Variants in GNA12 observed in about 807,000 individuals in gnomAD.
GNA12 encodes the protein guanine nucleotide-binding protein subunit alpha-12.
In GNA12, 9 loss-of-function variants were observed where a neutral mutation model predicts 26.0. The ratio of observed to expected loss-of-function variants is 0.35; its 90% confidence interval spans 0.21 to 0.60. The LOEUF (loss-of-function observed/expected upper bound fraction) is 0.60. Ranked by LOEUF, GNA12 falls within the 20% of genes least tolerant of loss-of-function variation. The pLI is 0.78. For synonymous variants in GNA12, 264 were observed against 219.6 expected (o/e 1.20, Z -1.79); for missense variants, 405 against 525.8 (o/e 0.77, Z 2.25).
chr7:2,750,854 T>A (rs1019055913), intron 2 of GNA12, among the ~76,000 whole-genome samples: 1 of 152,260 alleles, frequency 6.6e-6, no homozygotes, highest in Admixed American at 6.5e-5. Context: ...TTTAGAGTTA[T>A]CAGCTTGGGA....
intron 2 of GNA12, among the ~76,000 whole-genome samples, chr7:2,751,941 T>G (rs1791060771): frequency 6.6e-6 from 1 of 152,108 alleles, no homozygotes; most frequent in Non-Finnish European, 1.5e-5. Flanking sequence ...GAAATAACAC[T>G]AACGAACGTG....
intron 2 of GNA12, among the ~76,000 whole-genome samples, chr7:2,768,804 A>T (rs1329496737): frequency 6.6e-6 from 1 of 150,714 alleles, no homozygotes; most frequent in African/African-American, 2.4e-5. Context: ...TCTGTATTTA[A>T]TATGTGTATA....
rs189825330 is a variant in GNA12 at position 2,798,964 on chromosome 7, G to A, written c.310-3821C>T. ...ACAGGTAAAGAAAATTGGGGGGAGC[G>A]GGGGAGGGGGTGGGGAAGAACCTTG... On this transcript the variant is annotated intron_variant, in intron 1 of 3. Transcript: ENST00000275364. Among the ~76,000 whole-genome samples the A allele has an allele frequency of 2.6e-3, 397 of 151,938 alleles. 4 individuals are homozygous for A. Among genetic ancestry groups the A allele is most frequent in the African/African-American group, 9.2e-3 (380 of 41,398 alleles).
At chr7:2,841,488 C>T (rs1238475427) in intron 1 of GNA12, among the ~76,000 whole-genome samples, 2 of 152,114 alleles carry the variant, frequency 1.3e-5, no homozygotes, top group African/African-American at 4.8e-5. Context: ...GCCAAATGCA[C>T]TTGAACACAG....
At chr7:2,755,432 T>G (rs1791247817) in intron 2 of GNA12, among the ~76,000 whole-genome samples, 1 of 152,250 alleles carries the variant, frequency 6.6e-6, no homozygotes, top group Non-Finnish European at 1.5e-5. Flanking sequence ...GAGTGTTTCG[T>G]GCTTCTTATC....
chr7:2,771,844 A>G (rs1222658754), intron 2 of GNA12, among the ~76,000 whole-genome samples: 2 of 152,210 alleles, frequency 1.3e-5, no homozygotes, highest in African/African-American at 2.4e-5. Context: ...AACTTTTAAG[A>G]AAGTGCCCCG....
intron 1 of GNA12, among the ~76,000 whole-genome samples, chr7:2,823,442 G>C (rs977919496): frequency 6.6e-6 from 1 of 152,174 alleles, no homozygotes; most frequent in Non-Finnish European, 1.5e-5. Flanking sequence ...CAGGAACAGA[G>C]GGCATAAGGA....
At chr7:2,740,548 CCAGT>C (rs1284706133) in intron 2 of GNA12, among the ~76,000 whole-genome samples, 1 of 152,092 alleles carries the variant, frequency 6.6e-6, no homozygotes, top group African/African-American at 2.4e-5. Context: ...TTTAACCCAC[CCAGT>C]CAGAGTATTT....
At chr7:2,799,298 G>C (rs1180481148) in intron 1 of GNA12, among the ~76,000 whole-genome samples, 1 of 152,192 alleles carries the variant, frequency 6.6e-6, no homozygotes, top group Admixed American at 6.5e-5. Flanking sequence ...TCAACAGTTA[G>C]GCCAGGCACA....
rs1332930508 is a variant in GNA12, at chr7:2,844,181, G to A, written c.-20C>T. On this transcript the variant is annotated 5_prime_UTR_variant, in exon 1 of 4. Coordinates refer to ENST00000275364, the MANE Select transcript of GNA12 (RefSeq NM_007353.3). ...GGACATGGCCCCTCAGGCCGCGGCC[G>A]CGCCCCGCCGGCGCCCGGGGGCCAT... 4.1e-6 allele frequency: 4 copies of A among 980,220 alleles called. No individual in the cohort carries two copies. Among genetic ancestry groups the A allele is most frequent in the African/African-American group, 3.5e-5 (2 of 56,616 alleles). The allele number at this position is 980,220 out of a possible 1,614,324, so 60.7% of individuals were successfully genotyped here.
intron 1 of GNA12, among the ~76,000 whole-genome samples, chr7:2,817,930 A>G (rs946371102): frequency 3.9e-5 from 6 of 152,214 alleles, no homozygotes; most frequent in African/African-American, 1.4e-4. Flanking sequence ...CTACACATGA[A>G]TTATTAGTTC....
intron 2 of GNA12, among the ~76,000 whole-genome samples, chr7:2,755,452 C>T (rs1330017350): frequency 6.6e-6 from 1 of 152,132 alleles, no homozygotes; most frequent in Non-Finnish European, 1.5e-5. Context: ...CAAACAAGTC[C>T]TCTAGATGTT....
chr7:2,738,336 G>A (rs778023184), intron 2 of GNA12, among the ~76,000 whole-genome samples: 23 of 152,148 alleles, frequency 1.5e-4, no homozygotes, highest in Admixed American at 2.6e-4. Context: ...ACAAAGTGAC[G>A]CAGGCACAAG....
intron 1 of GNA12, among the ~76,000 whole-genome samples, chr7:2,812,491 T>C (rs1223838880): frequency 1.3e-5 from 2 of 152,136 alleles, no homozygotes; most frequent in African/African-American, 2.4e-5. Flanking sequence ...TAGCTGGGTG[T>C]GGTGGCGCAT....
intron 1 of GNA12, among the ~76,000 whole-genome samples, chr7:2,839,054 G>A (rs533903206): frequency 1.1e-4 from 17 of 152,242 alleles, no homozygotes; most frequent in African/African-American, 3.6e-4. Flanking sequence ...ACGAGCATAC[G>A]CGTTTATCAT....
intron 1 of GNA12, 132 bp from the exon 2 acceptor site, chr7:2,795,275 T>A: frequency 1.5e-6 from 1 of 688,536 alleles, no homozygotes; most frequent in South Asian, 1.8e-5. Flanking sequence ...AGCCTGAGTC[T>A]GTCTCTTGGT....
At chr7:2,811,610 G>A (rs146545010) in intron 1 of GNA12, among the ~76,000 whole-genome samples, 10 of 152,280 alleles carry the variant, frequency 6.6e-5, no homozygotes, top group Admixed American at 1.3e-4. Context: ...GAAAGCACAC[G>A]GCACAGATTT....
intron 2 of GNA12, among the ~76,000 whole-genome samples, chr7:2,788,718 G>C (rs965409517): frequency 2.0e-5 from 3 of 152,290 alleles, no homozygotes; most frequent in Non-Finnish European, 1.5e-5. Flanking sequence ...TGAACAGTAG[G>C]ACATGAGGGT....
At chr7:2,733,366 G>T in intron 3 of GNA12, 85 bp downstream of exon 3, 2 of 1,110,152 alleles carry the variant, frequency 1.8e-6, no homozygotes, top group Non-Finnish European at 1.3e-6. Context: ...TCCAGCCAAA[G>T]TCCTCACAAC....
Sources: allele counts gnomAD v4.1 joint callset (sites outside exome capture counted in the v4.1 genomes callset), GRCh38; gene constraint gnomAD v4.1.1; transcripts MANE v1.5; gene names NCBI Gene and HGNC (gene_info 2026-07-23, HGNC 2026-07-21).